Variants in AMBRA1 observed in about 807,000 individuals in gnomAD.
The protein encoded by AMBRA1 is autophagy and beclin 1 regulator 1.
In AMBRA1, 47 loss-of-function variants were observed where a neutral mutation model predicts 125.4. The observed-to-expected ratio is 0.37, with a 90% CI of 0.30 to 0.48. The LOEUF (loss-of-function observed/expected upper bound fraction) is 0.48, where lower values mean the gene tolerates loss of function less well. Ranked by LOEUF, AMBRA1 falls within the 20% of genes least tolerant of loss-of-function variation. AMBRA1 has a pLI of 0.99. For missense variants in AMBRA1, 1,331 were observed against 1,693.4 expected (o/e 0.79, Z 3.76); for synonymous variants, 626 against 655.5 (o/e 0.95, Z 0.69).
intron 14 of AMBRA1, among the ~76,000 whole-genome samples, chr11:46,418,604 A>T (rs555154954): frequency 6.6e-6 from 1 of 151,656 alleles, no homozygotes; most frequent in South Asian, 2.1e-4. Flanking sequence ...CCTGTGTCCA[A>T]GTGTTCTCAT....
intron 7 of AMBRA1, among the ~76,000 whole-genome samples, chr11:46,528,509 G>GC (rs1191528637): frequency 1.3e-5 from 2 of 152,278 alleles, no homozygotes; most frequent in South Asian, 4.2e-4. Flanking sequence ...AGGACATTAT[G>GC]CTAAGTGAAA....
intron 1 of AMBRA1, among the ~76,000 whole-genome samples, chr11:46,577,538 G>A (rs1469636937): frequency 6.6e-6 from 1 of 151,990 alleles, no homozygotes; most frequent in Non-Finnish European, 1.5e-5. Context: ...AAACTAAAGA[G>A]GTTGCAGAAC....
At chr11:46,584,282 C>G (rs1304986491) in intron 1 of AMBRA1, among the ~76,000 whole-genome samples, 1 of 146,482 alleles carries the variant, frequency 6.8e-6, no homozygotes, top group African/African-American at 2.6e-5. Context: ...GACAAAAAAC[C>G]AAACACCGCA....
intron 9 of AMBRA1, among the ~76,000 whole-genome samples, chr11:46,503,060 CAA>C (rs35217088): frequency 0.015 from 451 of 30,928 alleles, no homozygotes; most frequent in African/African-American, 0.033. Context: ...GACTCTGTCT[CAA>C]AAAAAAAAAA....
intron 15 of AMBRA1, 88 bp from the exon 16 acceptor site, chr11:46,410,456 A>C (rs1261696723): frequency 4.2e-6 from 5 of 1,178,044 alleles, no homozygotes; most frequent in African/African-American, 1.5e-5. Flanking sequence ...GGCTTTGTGG[A>C]CTGTGGCTGC....
At chr11:46,485,905 G>C (rs1297363851) in intron 11 of AMBRA1, among the ~76,000 whole-genome samples, 2 of 152,188 alleles carry the variant, frequency 1.3e-5, no homozygotes, top group Non-Finnish European at 2.9e-5. Context: ...ATAAGGTAAA[G>C]GGCTGGGGTA....
chr11:46,436,524 C>T (rs1010127887), intron 12 of AMBRA1, among the ~76,000 whole-genome samples: 2 of 152,196 alleles, frequency 1.3e-5, no homozygotes, highest in African/African-American at 4.8e-5. Context: ...ACCATTAGGC[C>T]TTTCTACTGC....
At chr11:46,478,563 T>C (rs1306192192) in intron 11 of AMBRA1, among the ~76,000 whole-genome samples, 2 of 152,154 alleles carry the variant, frequency 1.3e-5, no homozygotes, top group Non-Finnish European at 2.9e-5. Context: ...CAGCTTTTTA[T>C]TTGAATGTTG....
chr11:46,415,929 GTGAC>G, intron 15 of AMBRA1, among the ~76,000 whole-genome samples: 1 of 152,348 alleles, frequency 6.6e-6, no homozygotes, highest in South Asian at 2.1e-4. Context: ...TGAGGTGACT[GTGAC>G]TGACACAAAG....
intron 7 of AMBRA1, among the ~76,000 whole-genome samples, chr11:46,513,717 T>C (rs1951363921): frequency 6.6e-6 from 1 of 152,180 alleles, no homozygotes; most frequent in Non-Finnish European, 1.5e-5. Flanking sequence ...ATGTATTCAA[T>C]GGAGACTGAC....
At chr11:46,566,156 C>A (rs962998158) in intron 1 of AMBRA1, among the ~76,000 whole-genome samples, 2 of 152,148 alleles carry the variant, frequency 1.3e-5, no homozygotes, top group Non-Finnish European at 2.9e-5. Context: ...CGCTAGCTCA[C>A]ACCTTTAATC....
In AMBRA1 at chr11:46,397,617, T is replaced by C; in HGVS notation, c.3730A>G (p.Thr1244Ala). ...DQPGTPGREP[T>A]QPTLPSSSPV... ...GAGGAAGAGGGCAGGGTTGGCTGGG[T>C]TGGCTCCCGCCCAGGGGTACCAGGC... Residue 1244 changes from threonine (T) to alanine (A), a missense_variant, in exon 18 of 18, where the codon ACC becomes GCC. Thr to Ala is a moderately conservative substitution (Grantham distance 58, BLOSUM62 0). Around this residue, in one of 4 missense-constraint regions of AMBRA1, gnomAD observed 144 missense variants for 133.9 expected, o/e 1.08. Coordinates refer to ENST00000683756, the MANE Select transcript of AMBRA1 (RefSeq NM_001387011.1). 6.2e-7 allele frequency: 1 copy of C among 1,610,494 alleles called. No individual in the cohort carries two copies. The highest frequency in any genetic ancestry group is 8.5e-7 in the Non-Finnish European group (1 of 1,177,778).
chr11:46,435,487 A>T (rs1947675507), intron 12 of AMBRA1, among the ~76,000 whole-genome samples: 1 of 152,226 alleles, frequency 6.6e-6, no homozygotes, highest in Non-Finnish European at 1.5e-5. Context: ...AACACCTGTT[A>T]TGTGACCTTG....
intron 14 of AMBRA1, chr11:46,428,911 AC>A (rs1947304788): frequency 6.2e-7 from 1 of 1,611,860 alleles, no homozygotes; most frequent in Non-Finnish European, 8.5e-7. Flanking sequence ...GAAGGTAATC[AC>A]GGAGATACTG....
intron 7 of AMBRA1, among the ~76,000 whole-genome samples, chr11:46,533,252 C>A (rs1952301423): frequency 6.7e-6 from 1 of 148,500 alleles, no homozygotes; most frequent in African/African-American, 2.5e-5. Context: ...AACACACACA[C>A]AAATTGTTAA....
intron 7 of AMBRA1, among the ~76,000 whole-genome samples, chr11:46,527,850 T>C (rs1952045830): frequency 6.6e-6 from 1 of 151,650 alleles, no homozygotes; most frequent in Non-Finnish European, 1.5e-5. Flanking sequence ...CCTCATGCAC[T>C]GTTGGTAGGA....
chr11:46,498,716 C>T (rs1164009169), intron 9 of AMBRA1, among the ~76,000 whole-genome samples: 1 of 152,170 alleles, frequency 6.6e-6, no homozygotes, highest in Non-Finnish European at 1.5e-5. Context: ...GTTGTCATTG[C>T]TCCTCAGTGA....
intron 14 of AMBRA1, among the ~76,000 whole-genome samples, chr11:46,425,789 A>C (rs1200385630): frequency 6.6e-6 from 1 of 151,606 alleles, no homozygotes; most frequent in Non-Finnish European, 1.5e-5. Flanking sequence ...CAGTGAGCCG[A>C]GATCGTGCCA....
intron 17 of AMBRA1, among the ~76,000 whole-genome samples, chr11:46,402,176 T>C (rs1945797624): frequency 6.6e-6 from 1 of 152,172 alleles, no homozygotes; most frequent in South Asian, 2.1e-4. Context: ...TATAAGTTCC[T>C]GAAGGTCTTG....
Sources: gnomAD v4.1 joint callset for allele counts (sites outside exome capture counted in the v4.1 genomes callset) on GRCh38, gnomAD v4.1.1 for gene constraint, gnomAD v4.1.1 regional missense constraint, MANE v1.5 for transcripts, NCBI Gene and HGNC (gene_info 2026-07-23, HGNC 2026-07-21) for gene names.